The following MCTP2 variants were observed in gnomAD, a reference collection of about 807,000 sequenced individuals.
MCTP2 encodes the protein multiple C2 and transmembrane domain-containing protein 2.
MCTP2 carries 132 observed loss-of-function variants against 111.6 expected under a neutral mutation model. That is an observed-to-expected ratio of 1.18 (90% CI 1.03 to 1.37). The LOEUF (loss-of-function observed/expected upper bound fraction) is 1.37, where lower values mean the gene tolerates loss of function less well. MCTP2 is among the 40% of genes most tolerant of loss of function. MCTP2 has a pLI of 0.00. For synonymous variants in MCTP2, 395 were observed against 387.7 expected (o/e 1.02, Z -0.22); for missense variants, 1,183 against 1,067.9 (o/e 1.11, Z -1.50).
chr15:94,304,117 C>A (rs1394155433), intron 2 of MCTP2, among the ~76,000 whole-genome samples: 1 of 152,190 alleles, frequency 6.6e-6, no homozygotes, highest in African/African-American at 2.4e-5. Flanking sequence ...AAATGACAAT[C>A]ACAACTAATT....
In MCTP2 at chr15:94,413,278, TA is replaced by T. The variant is rs567223335; in HGVS notation, c.2085+11267del. On this transcript the variant is annotated intron_variant, in intron 17 of 22. Transcript: ENST00000357742. ...CTATAAGCAGAAATTATTACATTAGTAAAAAAAATTCAAATTTTCATGTTGT... is the reference window on the plus strand; with the variant it reads ...CTATAAGCAGAAATTATTACATTAGTAAAAAAATTCAAATTTTCATGTTGT... 8.3e-4 allele frequency among the ~76,000 whole-genome samples: 126 copies of T among 152,196 alleles called. 1 individual carries two copies. Among genetic ancestry groups the T allele is most frequent in the African/African-American group, 2.6e-3 (108 of 41,528 alleles).
At chr15:94,360,555 A>T (rs2078875281) in intron 10 of MCTP2, among the ~76,000 whole-genome samples, 2 of 152,232 alleles carry the variant, frequency 1.3e-5, no homozygotes, top group South Asian at 4.1e-4. Context: ...GAACAGTGGG[A>T]ACAGGGGCCT....
intron 17 of MCTP2, among the ~76,000 whole-genome samples, chr15:94,439,199 C>G (rs1376690301): frequency 6.6e-6 from 1 of 151,772 alleles, no homozygotes; most frequent in Non-Finnish European, 1.5e-5. Flanking sequence ...ATGATAATCA[C>G]AAAGAGAAAA....
At chr15:94,246,030 A>G (rs575742316) in intron 1 of MCTP2, among the ~76,000 whole-genome samples, 6 of 151,928 alleles carry the variant, frequency 3.9e-5, no homozygotes, top group Admixed American at 3.9e-4. Context: ...GAGAGTGGGG[A>G]GGAAAAATGT....
At chr15:94,465,341 C>G (rs1004391168) in intron 20 of MCTP2, among the ~76,000 whole-genome samples, 1 of 152,036 alleles carries the variant, frequency 6.6e-6, no homozygotes, top group Non-Finnish European at 1.5e-5. Flanking sequence ...TCTGTATATG[C>G]TATGCTTTTT....
chr15:94,460,753 C>T (rs181193310), intron 20 of MCTP2, among the ~76,000 whole-genome samples: 5 of 152,352 alleles, frequency 3.3e-5, no homozygotes, highest in African/African-American at 1.2e-4. Flanking sequence ...TGAGATGTGT[C>T]TTCAGCCCAT....
chr15:94,465,675 C>T (rs949762657), intron 20 of MCTP2, among the ~76,000 whole-genome samples: 1 of 152,078 alleles, frequency 6.6e-6, no homozygotes, highest in Non-Finnish European at 1.5e-5. Context: ...TTCACTGTAG[C>T]ATGTAATCCC....
chr15:94,427,701 T>C (rs904170069), intron 17 of MCTP2, among the ~76,000 whole-genome samples: 6 of 151,948 alleles, frequency 3.9e-5, no homozygotes, highest in Non-Finnish European at 5.9e-5. Context: ...AACAAACAAA[T>C]AGGAATGAAA....
chr15:94,251,557 C>G (rs1026170936), intron 1 of MCTP2, among the ~76,000 whole-genome samples: 2 of 152,104 alleles, frequency 1.3e-5, no homozygotes, highest in East Asian at 3.9e-4. Flanking sequence ...CGGGGTTTCT[C>G]CATGTCAGTC....
At chr15:94,314,383 A>G in intron 3 of MCTP2, 39 bp downstream of exon 3, 1 of 1,404,468 alleles carries the variant, frequency 7.1e-7, no homozygotes, top group Non-Finnish European at 9.9e-7. Context: ...TAAATGTTGT[A>G]GATATTTCTC....
intron 4 of MCTP2, among the ~76,000 whole-genome samples, chr15:94,328,347 C>T (rs2076980642): frequency 6.6e-6 from 1 of 152,088 alleles, no homozygotes; most frequent in Non-Finnish European, 1.5e-5. Context: ...CCAGGATGGT[C>T]TTGATCTCCT....
At chr15:94,360,793 C>A (rs1317156791) in intron 10 of MCTP2, among the ~76,000 whole-genome samples, 2 of 151,442 alleles carry the variant, frequency 1.3e-5, no homozygotes, top group Admixed American at 6.6e-5. Flanking sequence ...CTGTTTATAA[C>A]CGAGACATAT....
intron 5 of MCTP2, 119 bp downstream of exon 5, chr15:94,339,551 T>C: frequency 1.4e-6 from 1 of 692,252 alleles, no homozygotes. Context: ...AGATTAAAAA[T>C]AATAATATAG....
intron 2 of MCTP2, among the ~76,000 whole-genome samples, chr15:94,302,988 A>G (rs2075696413): frequency 6.6e-6 from 1 of 151,354 alleles, no homozygotes; most frequent in African/African-American, 2.4e-5. Context: ...CATGGATGGC[A>G]GCCAGCAAAG....
intron 4 of MCTP2, among the ~76,000 whole-genome samples, chr15:94,336,731 GTGCATATA>G (rs1192904407): frequency 1.4e-3 from 175 of 126,364 alleles, no homozygotes; most frequent in African/African-American, 5.1e-3. Flanking sequence ...GTATATTTAT[GTGCATATA>G]TGTGTGTGTA....
At chr15:94,447,579 G>A (rs1226625071) in intron 19 of MCTP2, among the ~76,000 whole-genome samples, 1 of 152,142 alleles carries the variant, frequency 6.6e-6, no homozygotes, top group African/African-American at 2.4e-5. Context: ...GTTTTACCAC[G>A]TCGGCCAGGC....
Position 94,298,478 on chromosome 15 carries a change from A to G in MCTP2, c.213A>G (p.Pro71=), listed in dbSNP as rs1233421658. 5.0e-6 allele frequency: 8 copies of G among 1,614,054 alleles called. No individual in the cohort carries two copies. Among genetic ancestry groups the G allele is most frequent in the Non-Finnish European group, 1.7e-6 (2 of 1,179,980 alleles). The change falls in exon 2 of 23, where the codon CCA becomes CCG. Residue 71 remains proline (P), a synonymous_variant. Coordinates refer to ENST00000357742, the MANE Select transcript of MCTP2 (RefSeq NM_001385001.1). ...LAPEGRPYSG[P]QSSYTSVPSS... ...CAGAGGGCCGGCCTTACTCCGGGCC[A>G]CAGTCTTCCTACACCTCGGTGCCCA...
chr15:94,470,579 CA>C lies in MCTP2; in HGVS notation c.2470+142del, dbSNP rs1226924831. On this transcript the variant is annotated intron_variant, in intron 21 of 22. Transcript: ENST00000357742. Reference sequence around the variant, plus strand: ...GAGATTAAGGAAAGCATTTGGGGAACAAAAACTTCCAGGACCTCCCTGAAAG... The same window carrying C: ...GAGATTAAGGAAAGCATTTGGGGAACAAAACTTCCAGGACCTCCCTGAAAG... 9.1e-5 allele frequency: 63 copies of C among 694,432 alleles called. No individual in the cohort carries two copies. In the African/African-American group the frequency reaches 9.8e-4, roughly 11 times the overall value. 43.0% of individuals were successfully genotyped at this position (694,432 alleles called of 1,614,324 possible).
At chr15:94,420,642 G>A (rs937446886) in intron 17 of MCTP2, among the ~76,000 whole-genome samples, 8 of 152,140 alleles carry the variant, frequency 5.3e-5, no homozygotes, top group African/African-American at 1.7e-4. Context: ...TAGAAGTAGA[G>A]CCTGAAAATG....
Sources: allele counts gnomAD v4.1 joint callset (sites outside exome capture counted in the v4.1 genomes callset), GRCh38; gene constraint gnomAD v4.1.1; transcripts MANE v1.5; gene names NCBI Gene and HGNC (gene_info 2026-07-23, HGNC 2026-07-21).